Variants in TENM3 observed in about 807,000 individuals in gnomAD.
TENM3 encodes teneurin transmembrane protein 3.
In TENM3, 63 loss-of-function variants were observed where a neutral mutation model predicts 255.1. That is an observed-to-expected ratio of 0.25 (90% CI 0.20 to 0.30). TENM3 has a LOEUF of 0.30. Ranked by LOEUF, TENM3 falls within the 10% of genes least tolerant of loss-of-function variation. The pLI, the probability that TENM3 is intolerant of heterozygous loss-of-function variation, is 1.00. For missense variants in TENM3, 2,929 were observed against 3,461.1 expected (o/e 0.85, Z 3.86); for synonymous variants, 1,306 against 1,322.3 (o/e 0.99, Z 0.27).
the TENM3 span, among the ~76,000 whole-genome samples, chr4:181,662,352 A>G: frequency 6.6e-6 from 1 of 152,212 alleles, no homozygotes; most frequent in Non-Finnish European, 1.5e-5. Flanking sequence ...GATTTTAACA[A>G]TTTGCCAAAA....
the TENM3 span, among the ~76,000 whole-genome samples, chr4:181,587,388 C>T: frequency 8.5e-5 from 13 of 152,162 alleles, no homozygotes; most frequent in African/African-American, 2.7e-4. Flanking sequence ...GAAGAAGACC[C>T]GCACTATCCT....
chr4:182,068,841 G>A, the TENM3 span, among the ~76,000 whole-genome samples: 1 of 151,934 alleles, frequency 6.6e-6, no homozygotes, highest in African/African-American at 2.4e-5. Context: ...ACGCATTAAT[G>A]ATCAAGATTA....
the TENM3 span, among the ~76,000 whole-genome samples, chr4:181,533,194 G>A: frequency 6.6e-6 from 1 of 152,122 alleles, no homozygotes; most frequent in Non-Finnish European, 1.5e-5. Context: ...TCTATAGTGA[G>A]GAAATAAATG....
intron 6 of TENM3, among the ~76,000 whole-genome samples, chr4:182,665,227 A>G (rs566242238): frequency 5.3e-5 from 8 of 152,340 alleles, no homozygotes; most frequent in African/African-American, 1.4e-4. Context: ...AATTATGCTA[A>G]TTCTACTCTG....
At position 182,628,682 on chromosome 4, in the gene TENM3, A is replaced by G; in HGVS notation, c.781A>G (p.Thr261Ala). The change falls in exon 5 of 28, where the codon ACG becomes GCG. Residue 261 changes from threonine to alanine, a missense_variant. Thr to Ala is a moderately conservative substitution (Grantham distance 58). Around this residue, in one of 6 missense-constraint regions of TENM3, gnomAD observed 1,608 missense variants for 1,884.4 expected, o/e 0.85. Coordinates refer to ENST00000511685, the MANE Select transcript of TENM3 (RefSeq NM_001080477.4). ...HFLFKTGTGT[T>A]PLFSTATPGY... ...CCTATTCAAAACAGGAACAGGTACA[A>G]CGCCACTGTTCAGTACTGCAACCCC... is the stretch of plus-strand genomic sequence containing the variant. 2 of 1,600,836 alleles carry G rather than the reference A, an allele frequency of 1.2e-6. No homozygotes were observed. The highest frequency in any genetic ancestry group is 1.7e-4 in the Middle Eastern group (1 of 6,048).
chr4:181,508,046 G>T, the TENM3 span, among the ~76,000 whole-genome samples: 6 of 152,168 alleles, frequency 3.9e-5, no homozygotes, highest in Admixed American at 3.9e-4. Context: ...CTTTAATTAG[G>T]CCTGTGCTGA....
the TENM3 span, among the ~76,000 whole-genome samples, chr4:181,480,181 T>C: frequency 3.3e-5 from 5 of 152,080 alleles, no homozygotes; most frequent in Admixed American, 2.6e-4. Context: ...TTATTTAAAA[T>C]GTTTATTTTT....
chr4:182,293,653 C>T (rs1761268170), intron 1 of TENM3, among the ~76,000 whole-genome samples: 1 of 152,146 alleles, frequency 6.6e-6, no homozygotes, highest in African/African-American at 2.4e-5. Flanking sequence ...CTGGACAAAA[C>T]AAAAGCATAG....
At chr4:182,085,254 G>GA in the TENM3 span, 29 of 152,134 alleles carry the variant, frequency 1.9e-4, no homozygotes, top group Admixed American at 3.3e-4. Context: ...TTGTCATCCA[G>GA]AAAAAATGCC....
chr4:181,783,314 G>T, the TENM3 span, among the ~76,000 whole-genome samples: 2 of 152,090 alleles, frequency 1.3e-5, no homozygotes, highest in African/African-American at 4.8e-5. Flanking sequence ...CCTGTATTGG[G>T]TGTATATATA....
the TENM3 span, among the ~76,000 whole-genome samples, chr4:182,124,177 G>A: frequency 5.3e-5 from 8 of 152,072 alleles, no homozygotes; most frequent in East Asian, 5.8e-4. Context: ...TCAGCCTCCC[G>A]AGTAGCTGGG....
intron 3 of TENM3, among the ~76,000 whole-genome samples, chr4:182,418,927 C>T (rs541527617): frequency 6.6e-6 from 1 of 152,294 alleles, no homozygotes; most frequent in African/African-American, 2.4e-5. Context: ...TACCTCTCAA[C>T]AGACCTCAGA....
chr4:182,704,096 AC>A (rs1480010720), intron 12 of TENM3, among the ~76,000 whole-genome samples: 2 of 151,688 alleles, frequency 1.3e-5, no homozygotes, highest in African/African-American at 4.8e-5. Flanking sequence ...ACTAAAATAT[AC>A]CTTTTTTTTT....
chr4:181,875,548 C>A, the TENM3 span, among the ~76,000 whole-genome samples: 3 of 151,906 alleles, frequency 2.0e-5, no homozygotes, highest in East Asian at 1.9e-4. Flanking sequence ...ACAAACCATA[C>A]TTTTATTAGA....
intron 22 of TENM3, among the ~76,000 whole-genome samples, chr4:182,770,054 C>T (rs1004115122): frequency 3.4e-5 from 5 of 149,048 alleles, no homozygotes; most frequent in East Asian, 3.9e-4. Context: ...TGCAGTGAGC[C>T]GAGATCATGC....
At chr4:182,227,962 G>C (rs79677410) in intron 1 of TENM3, among the ~76,000 whole-genome samples, 10,008 of 152,114 alleles carry the variant, frequency 0.066, 424 homozygotes, top group Non-Finnish European at 0.091. Context: ...ACATTTCTTA[G>C]CAATAAAATG....
At chr4:182,026,005 A>G in the TENM3 span, among the ~76,000 whole-genome samples, 1 of 152,044 alleles carries the variant, frequency 6.6e-6, no homozygotes, top group Non-Finnish European at 1.5e-5. Flanking sequence ...GCCCTGGTGT[A>G]TGATATTCCC....
At chr4:182,035,893 A>C in the TENM3 span, among the ~76,000 whole-genome samples, 17 of 152,218 alleles carry the variant, frequency 1.1e-4, no homozygotes, top group Non-Finnish European at 2.5e-4. Context: ...TTTGACACCC[A>C]ACCTCCTGCT....
chr4:181,531,870 G>A, the TENM3 span, among the ~76,000 whole-genome samples: 95 of 152,308 alleles, frequency 6.2e-4, no homozygotes, highest in African/African-American at 2.1e-3. Flanking sequence ...TGCAGTGCTG[G>A]TGCTTAGTTC....
Sources: gnomAD v4.1 joint callset for allele counts (sites outside exome capture counted in the v4.1 genomes callset) on GRCh38, gnomAD v4.1.1 for gene constraint, gnomAD v4.1.1 regional missense constraint, MANE v1.5 for transcripts, NCBI Gene and HGNC (gene_info 2026-07-23, HGNC 2026-07-21) for gene names.